PDZRN3: variants seen among roughly 807,000 people sequenced by gnomAD.
PDZRN3 encodes the protein PDZ domain containing ring finger 3, also known as E3 ubiquitin-protein ligase PDZRN3.
Under a neutral mutation model 85.7 loss-of-function variants are expected in PDZRN3, and 38 were observed. The observed-to-expected ratio is 0.44, with a 90% CI of 0.34 to 0.58. The LOEUF (loss-of-function observed/expected upper bound fraction) is 0.58, where lower values mean the gene tolerates loss of function less well. Among genes scored for constraint, PDZRN3 ranks in the 20% least tolerant of loss-of-function variants. The pLI is 0.01. For synonymous variants in PDZRN3, 759 were observed against 638.0 expected (o/e 1.19, Z -2.86); for missense variants, 1,629 against 1,506.4 (o/e 1.08, Z -1.35).
At chr3:73,514,590 T>C (rs182961770) in intron 3 of PDZRN3, among the ~76,000 whole-genome samples, 201 of 152,316 alleles carry the variant, frequency 1.3e-3, no homozygotes, top group African/African-American at 4.5e-3. Flanking sequence ...TTTCAACCAA[T>C]TGGTCTGAAT....
At chr3:73,502,129 TA>T (rs2106687606) in intron 3 of PDZRN3, among the ~76,000 whole-genome samples, 1 of 152,306 alleles carries the variant, frequency 6.6e-6, no homozygotes, top group South Asian at 2.1e-4. Context: ...AGAGCTGTGC[TA>T]TTAAGCAAAG....
intron 1 of PDZRN3, among the ~76,000 whole-genome samples, chr3:73,612,528 A>G (rs1559757776): frequency 6.6e-6 from 1 of 152,242 alleles, no homozygotes; most frequent in Non-Finnish European, 1.5e-5. Context: ...CTATTATGCC[A>G]TGACAGGAGC....
At chr3:73,585,799 G>A (rs1230989109) in intron 3 of PDZRN3, among the ~76,000 whole-genome samples, 1 of 152,158 alleles carries the variant, frequency 6.6e-6, no homozygotes, top group Non-Finnish European at 1.5e-5. Flanking sequence ...GGTTTTGACA[G>A]GCAGATAAGA....
At chr3:73,612,524 T>C (rs1702700042) in intron 1 of PDZRN3, among the ~76,000 whole-genome samples, 2 of 152,260 alleles carry the variant, frequency 1.3e-5, no homozygotes, top group African/African-American at 4.8e-5. Flanking sequence ...AAGACTATTA[T>C]GCCATGACAG....
intron 3 of PDZRN3, among the ~76,000 whole-genome samples, chr3:73,565,161 C>T (rs1225875395): frequency 7.2e-6 from 1 of 139,130 alleles, no homozygotes; most frequent in Non-Finnish European, 1.5e-5. Context: ...TGGATTCTTA[C>T]TCTGTTGCCC....
chr3:73,480,112 C>T (rs923682935), intron 3 of PDZRN3, among the ~76,000 whole-genome samples: 5 of 152,198 alleles, frequency 3.3e-5, no homozygotes, highest in Non-Finnish European at 7.3e-5. Flanking sequence ...TCTACTAATA[C>T]TCCCCCATCA....
At chr3:73,600,759 C>T (rs369836516) in intron 3 of PDZRN3, among the ~76,000 whole-genome samples, 18 of 152,184 alleles carry the variant, frequency 1.2e-4, no homozygotes, top group South Asian at 4.1e-4. Flanking sequence ...CCCTTGGCAA[C>T]GGAAGCTGTA....
At chr3:73,463,844 T>C (rs766098907) in intron 3 of PDZRN3, among the ~76,000 whole-genome samples, 9 of 152,140 alleles carry the variant, frequency 5.9e-5, no homozygotes, top group Non-Finnish European at 1.0e-4. Context: ...TAATGGATAG[T>C]AGACTTAATA....
intron 3 of PDZRN3, among the ~76,000 whole-genome samples, chr3:73,457,217 C>T (rs770826026): frequency 2.0e-5 from 3 of 151,944 alleles, no homozygotes; most frequent in Admixed American, 6.6e-5. Flanking sequence ...GGATTATAGG[C>T]GCCCACCACC....
At chr3:73,539,302 G>A (rs1704859862) in intron 3 of PDZRN3, among the ~76,000 whole-genome samples, 1 of 152,200 alleles carries the variant, frequency 6.6e-6, no homozygotes, top group Non-Finnish European at 1.5e-5. Context: ...TCAATCAAGG[G>A]ATGTTTTGGA....
chr3:73,429,715 G>T (rs1484615262), intron 3 of PDZRN3, among the ~76,000 whole-genome samples: 1 of 152,200 alleles, frequency 6.6e-6, no homozygotes, highest in African/African-American at 2.4e-5. Context: ...AACTTCAAGT[G>T]CCATAAGAGG....
At chr3:73,409,922 C>T (rs763174375) in intron 3 of PDZRN3, among the ~76,000 whole-genome samples, 5 of 152,150 alleles carry the variant, frequency 3.3e-5, no homozygotes, top group Non-Finnish European at 5.9e-5. Flanking sequence ...TCACAGTCAC[C>T]TCTATTTCTA....
chr3:73,401,819 A>T (rs1187889095), intron 4 of PDZRN3: 2 of 152,204 alleles, frequency 1.3e-5, no homozygotes, highest in African/African-American at 4.8e-5. Flanking sequence ...CCAGATGCAA[A>T]GCTTCAGCCT....
chr3:73,384,598 C>T lies in PDZRN3; in HGVS notation c.1968G>A (p.Val656=), dbSNP rs373375278. ...FRELLELKCQ[V]KSATPYGLYY... is the part of the protein sequence containing the mutation. Reference sequence around the variant, plus strand: ...ACAGGCCGTAAGGGGTGGCGCTCTTCACCTGGCACTTGAGCTCCAGGAGCT... The same window carrying T: ...ACAGGCCGTAAGGGGTGGCGCTCTTTACCTGGCACTTGAGCTCCAGGAGCT... The change falls in exon 10 of 10, where the codon GTG becomes GTA. Residue 656 remains valine, a synonymous_variant. Transcript: ENST00000263666. 1.3e-5 allele frequency: 21 copies of T among 1,613,726 alleles called. No homozygotes were observed. The highest frequency in any genetic ancestry group is 1.5e-5 in the Non-Finnish European group (18 of 1,180,056).
At chr3:73,498,726 A>G (rs1703916978) in intron 3 of PDZRN3, among the ~76,000 whole-genome samples, 1 of 152,038 alleles carries the variant, frequency 6.6e-6, no homozygotes, top group African/African-American at 2.4e-5. Context: ...CTGAGATTAC[A>G]GGCACACGCC....
At chr3:73,569,052 TG>T (rs1232485311) in intron 3 of PDZRN3, 1 of 589,648 alleles carries the variant, frequency 1.7e-6, no homozygotes, top group Non-Finnish European at 2.8e-6. Flanking sequence ...TGAGGTCCTA[TG>T]AAGTAAAATA....
intron 3 of PDZRN3, among the ~76,000 whole-genome samples, chr3:73,496,067 C>G (rs1443629171): frequency 6.6e-6 from 1 of 151,488 alleles, no homozygotes; most frequent in Non-Finnish European, 1.5e-5. Flanking sequence ...AAGACTAAGT[C>G]TCAAGTCAAG....
At chr3:73,472,607 A>G (rs2106888590) in intron 3 of PDZRN3, among the ~76,000 whole-genome samples, 1 of 152,320 alleles carries the variant, frequency 6.6e-6, no homozygotes, top group South Asian at 2.1e-4. Flanking sequence ...GGACCACAGC[A>G]CTTTGTCTCT....
At chr3:73,457,702 G>A (rs755857285) in intron 3 of PDZRN3, among the ~76,000 whole-genome samples, 17 of 152,092 alleles carry the variant, frequency 1.1e-4, no homozygotes, top group Admixed American at 2.6e-4. Context: ...CCAATGTGAC[G>A]GTGTTAGGAG....
Sources: allele counts gnomAD v4.1 joint callset (sites outside exome capture counted in the v4.1 genomes callset), GRCh38; gene constraint gnomAD v4.1.1; transcripts MANE v1.5; gene names NCBI Gene and HGNC (gene_info 2026-07-23, HGNC 2026-07-21).